HS3ST4: variants seen among roughly 807,000 people sequenced by gnomAD.
HS3ST4 encodes heparan sulfate glucosamine 3-O-sulfotransferase 4.
Under a neutral mutation model 29.2 loss-of-function variants are expected in HS3ST4, and 17 were observed. The observed-to-expected ratio is 0.58, with a 90% confidence interval of 0.40 to 0.87. The LOEUF is 0.87. Among genes scored for constraint, HS3ST4 ranks in the 40% least tolerant of loss-of-function variants. The pLI is 0.00. For synonymous variants in HS3ST4, 314 were observed against 285.7 expected, an observed-to-expected ratio of 1.10 and a Z score of -1.00; for missense variants, 627 against 634.5, an observed-to-expected ratio of 0.99 and a Z score of 0.13.
chr16:25,808,454 G>A (rs542621049), intron 1 of HS3ST4, among the ~76,000 whole-genome samples: 6 of 152,082 alleles, frequency 3.9e-5, no homozygotes, highest in African/African-American at 9.7e-5. Flanking sequence ...TCTAGCTTAT[G>A]TTTTCTCTTC....
At chr16:25,826,735 G>T (rs931364819) in intron 1 of HS3ST4, among the ~76,000 whole-genome samples, 2 of 152,194 alleles carry the variant, frequency 1.3e-5, no homozygotes, top group African/African-American at 4.8e-5. Flanking sequence ...AAGTTGGAGG[G>T]ATAGGAGCCT....
chr16:25,940,839 G>A (rs1433926589), intron 1 of HS3ST4, among the ~76,000 whole-genome samples: 1 of 152,144 alleles, frequency 6.6e-6, no homozygotes, highest in South Asian at 2.1e-4. Context: ...GTGTTTTCTG[G>A]CTTCCTCTCC....
intron 1 of HS3ST4, among the ~76,000 whole-genome samples, chr16:26,066,540 CTTCTT>C (rs1006621602): frequency 9.2e-5 from 14 of 151,614 alleles, no homozygotes; most frequent in African/African-American, 3.4e-4. Flanking sequence ...CTCTCCCTCT[CTTCTT>C]TTCTTCCTCT....
chr16:25,845,143 A>G (rs1967451942), intron 1 of HS3ST4, among the ~76,000 whole-genome samples: 1 of 152,188 alleles, frequency 6.6e-6, no homozygotes, highest in Non-Finnish European at 1.5e-5. Context: ...GCAAACCACC[A>G]TGGCACACCT....
At chr16:25,875,170 A>G (rs1485679152) in intron 1 of HS3ST4, among the ~76,000 whole-genome samples, 1 of 152,176 alleles carries the variant, frequency 6.6e-6, no homozygotes, top group Non-Finnish European at 1.5e-5. Flanking sequence ...GATAACCAAG[A>G]CAAGTCCAGA....
intron 1 of HS3ST4, among the ~76,000 whole-genome samples, chr16:25,757,623 C>G (rs971065292): frequency 6.7e-6 from 1 of 150,202 alleles, no homozygotes; most frequent in Non-Finnish European, 1.5e-5. Flanking sequence ...GTAAAAATAA[C>G]GAATGTGTCC....
At chr16:26,036,742 G>A (rs944602290) in intron 1 of HS3ST4, among the ~76,000 whole-genome samples, 4 of 152,154 alleles carry the variant, frequency 2.6e-5, no homozygotes, top group African/African-American at 9.7e-5. Context: ...CTCAAATGTG[G>A]CATATAAAAT....
At chr16:26,050,539 A>T (rs1261995815) in intron 1 of HS3ST4, among the ~76,000 whole-genome samples, 1 of 152,200 alleles carries the variant, frequency 6.6e-6, no homozygotes, top group Non-Finnish European at 1.5e-5. Context: ...CACATTTCAC[A>T]TGCCAGGCAC....
At chr16:25,721,705 CA>C (rs1966497722) in intron 1 of HS3ST4, among the ~76,000 whole-genome samples, 1 of 152,094 alleles carries the variant, frequency 6.6e-6, no homozygotes, top group Non-Finnish European at 1.5e-5. Flanking sequence ...TGACATTCTG[CA>C]AAGTGTGTAT....
intron 1 of HS3ST4, among the ~76,000 whole-genome samples, chr16:25,928,323 C>T (rs1968429419): frequency 6.6e-6 from 1 of 152,022 alleles, no homozygotes; most frequent in South Asian, 2.1e-4. Flanking sequence ...TATGATTGCA[C>T]CATTGCACTC....
At chr16:25,890,116 C>T (rs540074772) in intron 1 of HS3ST4, among the ~76,000 whole-genome samples, 1 of 152,344 alleles carries the variant, frequency 6.6e-6, no homozygotes, top group Non-Finnish European at 1.5e-5. Flanking sequence ...GACCTCACCA[C>T]AACCCCATGA....
At chr16:25,752,336 G>T (rs555950166) in intron 1 of HS3ST4, among the ~76,000 whole-genome samples, 1 of 152,166 alleles carries the variant, frequency 6.6e-6, no homozygotes, top group South Asian at 2.1e-4. Flanking sequence ...GAGGGGGTGT[G>T]GATATGTGTA....
intron 1 of HS3ST4, among the ~76,000 whole-genome samples, chr16:25,912,076 A>G (rs1968246657): frequency 6.6e-6 from 1 of 152,168 alleles, no homozygotes; most frequent in African/African-American, 2.4e-5. Context: ...GTCCATCTGG[A>G]AAAGATAGCA....
chr16:25,704,710 T>C (rs758024830), intron 1 of HS3ST4, among the ~76,000 whole-genome samples: 1 of 151,928 alleles, frequency 6.6e-6, no homozygotes, highest in Non-Finnish European at 1.5e-5. Flanking sequence ...AAACCCCGTC[T>C]CTACTAAAAA....
chr16:25,911,212 C>T (rs749381487), intron 1 of HS3ST4, among the ~76,000 whole-genome samples: 4 of 152,136 alleles, frequency 2.6e-5, no homozygotes, highest in African/African-American at 4.8e-5. Context: ...CTGGGTGATT[C>T]TTATGCCTGA....
At chr16:25,719,709 C>A (rs748158606) in intron 1 of HS3ST4, among the ~76,000 whole-genome samples, 9 of 152,208 alleles carry the variant, frequency 5.9e-5, no homozygotes, top group Non-Finnish European at 1.2e-4. Flanking sequence ...AGCAAAAAGA[C>A]TTTTTCTTCA....
intron 1 of HS3ST4, among the ~76,000 whole-genome samples, chr16:26,064,229 C>T (rs540808357): frequency 1.3e-5 from 2 of 152,288 alleles, no homozygotes; most frequent in Admixed American, 6.5e-5. Context: ...CCAAATCTTC[C>T]ACCTTTGCAA....
intron 1 of HS3ST4, among the ~76,000 whole-genome samples, chr16:26,009,705 A>C (rs1969292999): frequency 1.3e-5 from 2 of 152,212 alleles, no homozygotes. Flanking sequence ...TACACCCAGA[A>C]ATAACCTATT....
intron 1 of HS3ST4, among the ~76,000 whole-genome samples, chr16:26,074,136 C>T (rs1423439025): frequency 6.6e-6 from 1 of 152,140 alleles, no homozygotes; most frequent in African/African-American, 2.4e-5. Context: ...GCGGCTCCCT[C>T]CGTGCCCCAC....
Sources: allele counts gnomAD v4.1 joint callset (sites outside exome capture counted in the v4.1 genomes callset), GRCh38; gene constraint gnomAD v4.1.1; transcripts MANE v1.5; gene names NCBI Gene and HGNC (gene_info 2026-07-23, HGNC 2026-07-21).